The following CLIC5 variants were observed in gnomAD, a reference collection of about 807,000 sequenced individuals.
CLIC5 encodes chloride intracellular channel protein 5.
In CLIC5, 20 loss-of-function variants were observed where a neutral mutation model predicts 24.7. The ratio of observed to expected loss-of-function variants is 0.81; its 90% CI spans 0.57 to 1.18. CLIC5 has a LOEUF of 1.18. CLIC5 is among the 50% of genes most tolerant of loss of function. The pLI is 0.00. For synonymous variants in CLIC5, 159 were observed against 135.6 expected, an observed-to-expected ratio of 1.17 and a Z score of -1.20; for missense variants, 341 against 326.1, an observed-to-expected ratio of 1.05 and a Z score of -0.35.
At chr6:45,904,258 G>A (rs945951527) in intron 5 of CLIC5, among the ~76,000 whole-genome samples, 4 of 152,156 alleles carry the variant, frequency 2.6e-5, no homozygotes, top group African/African-American at 9.7e-5. Context: ...CAAATGCTTA[G>A]AGGAGTGCCT....
chr6:46,082,850 A>C (rs1762952856), upstream of CLIC5, among the ~76,000 whole-genome samples: 1 of 152,116 alleles, frequency 6.6e-6, no homozygotes, highest in African/African-American at 2.4e-5. Context: ...AGATATATAC[A>C]TAACTTATTT....
the CLIC5 span, chr6:46,129,533 T>A: frequency 6.6e-6 from 1 of 152,266 alleles, no homozygotes; most frequent in Non-Finnish European, 1.5e-5. Flanking sequence ...TGCTCGCTTA[T>A]CCAGTAAGAC....
chr6:46,061,821 T>A (rs1295699944), intron 1 of CLIC5, among the ~76,000 whole-genome samples: 3 of 152,240 alleles, frequency 2.0e-5, no homozygotes, highest in Non-Finnish European at 2.9e-5. Context: ...GTTTCTTTAT[T>A]TTGTGGACAT....
At chr6:46,052,889 A>G (rs1172282979) in intron 1 of CLIC5, among the ~76,000 whole-genome samples, 1 of 152,106 alleles carries the variant, frequency 6.6e-6, no homozygotes, top group Non-Finnish European at 1.5e-5. Flanking sequence ...TGATCACCCC[A>G]AAGGAATGAT....
At chr6:46,003,245 C>T (rs1766423552) in intron 1 of CLIC5, among the ~76,000 whole-genome samples, 2 of 152,300 alleles carry the variant, frequency 1.3e-5, no homozygotes, top group South Asian at 2.1e-4. Context: ...TGCAAAGACA[C>T]CACTCATGGG....
intron 1 of CLIC5, among the ~76,000 whole-genome samples, chr6:46,065,610 A>AT (rs1177630149): frequency 6.6e-6 from 1 of 152,210 alleles, no homozygotes; most frequent in Non-Finnish European, 1.5e-5. Context: ...CCAACTGCTG[A>AT]TTTACGTACC....
At chr6:46,085,179 AT>A (rs1481569418), upstream of CLIC5, among the ~76,000 whole-genome samples, 4 of 152,006 alleles carry the variant, frequency 2.6e-5, no homozygotes, top group Non-Finnish European at 5.9e-5. Context: ...ATTCTTCTAA[AT>A]TTTTTTCAAA....
At position 46,065,829 on chromosome 6, in the gene CLIC5, A is replaced by G. The variant is rs1357205775; in HGVS notation, c.540+13874T>C. ...GATGGGAATGTGCCACATCATGATT[A>G]TGGTGATGGTTAGATGACTGTATAC... On this transcript the variant is annotated intron_variant, in intron 1 of 5. Transcript: ENST00000185206. Among the ~76,000 whole-genome samples the G allele has an allele frequency of 2.6e-5, 4 of 152,182 alleles. No individual in the cohort carries two copies. The East Asian group carries it at 7.7e-4, about 29-fold the overall frequency.
intron 4 of CLIC5, among the ~76,000 whole-genome samples, chr6:45,935,209 G>C (rs1410152337): frequency 1.3e-5 from 2 of 152,212 alleles, no homozygotes; most frequent in Non-Finnish European, 2.9e-5. Context: ...CAGAGAGTGG[G>C]GGACATGTTA....
chr6:45,928,767 AGT>A lies in CLIC5; in HGVS notation c.406+12778_406+12779del, dbSNP rs5875948. Reference sequence around the variant, plus strand: ...CATCAGAACACACACGAAGTGCATAAGTGTGTGTGTGTGTGTGTGTGTGTGTG... The same window carrying A: ...CATCAGAACACACACGAAGTGCATAAGTGTGTGTGTGTGTGTGTGTGTGTG... On this transcript the variant is annotated intron_variant, in intron 4 of 5. Transcript: ENST00000339561. 2.9e-3 allele frequency among the ~76,000 whole-genome samples: 411 copies of A among 144,164 alleles called. 1 individual carries two copies. The highest frequency in any genetic ancestry group is 9.0e-3 in the South Asian group (41 of 4,534). 94.6% of individuals were successfully genotyped at this position (144,164 alleles called of 152,430 possible). A position where few individuals can be genotyped will look rare whatever the true frequency, so the allele number is the denominator to read the frequency against.
intron 1 of CLIC5, among the ~76,000 whole-genome samples, chr6:46,048,565 C>T (rs1349062398): frequency 6.6e-6 from 1 of 152,082 alleles, no homozygotes; most frequent in Non-Finnish European, 1.5e-5. Flanking sequence ...CAAAACTCAC[C>T]TTGGCTGCTG....
At chr6:46,121,628 C>T in the CLIC5 span, among the ~76,000 whole-genome samples, 1 of 152,184 alleles carries the variant, frequency 6.6e-6, no homozygotes, top group African/African-American at 2.4e-5. Context: ...TTAAAAGACA[C>T]AGACTGGCAA....
chr6:45,917,935 GT>G (rs1412457762), intron 4 of CLIC5, among the ~76,000 whole-genome samples: 1 of 152,212 alleles, frequency 6.6e-6, no homozygotes, highest in Non-Finnish European at 1.5e-5. Context: ...ACTCTGAGTA[GT>G]TAGATGGGGG....
rs562125957 is a variant in CLIC5 at position 46,049,109 on chromosome 6, G to A, written c.540+30594C>T. ...AAGATAGGGGACTGATTACACTAAT[G>A]CTGTTTTGCTTTGCAAATGAAGGTT... On this transcript the variant is annotated intron_variant, in intron 1 of 5. Transcript: ENST00000185206. 9.0e-4 allele frequency among the ~76,000 whole-genome samples: 137 copies of A among 152,304 alleles called. 1 individual carries two copies. The highest frequency in any genetic ancestry group is 3.2e-3 in the African/African-American group (132 of 41,562).
the CLIC5 span, among the ~76,000 whole-genome samples, chr6:46,123,397 A>C: frequency 6.6e-6 from 1 of 152,232 alleles, no homozygotes; most frequent in Non-Finnish European, 1.5e-5. Flanking sequence ...TCATGCTAAA[A>C]ATGCTCAATA....
downstream of CLIC5, among the ~76,000 whole-genome samples, chr6:45,895,176 C>T (rs1447856767): frequency 6.6e-6 from 1 of 152,026 alleles, no homozygotes; most frequent in Non-Finnish European, 1.5e-5. Flanking sequence ...CCTAATGAAC[C>T]TATATGCGGA....
At chr6:45,986,015 C>T (rs1765722987) in intron 1 of CLIC5, among the ~76,000 whole-genome samples, 2 of 152,064 alleles carry the variant, frequency 1.3e-5, no homozygotes, top group Admixed American at 1.3e-4. Context: ...AGGGGAGTTC[C>T]CCTACACAAG....
upstream of CLIC5, among the ~76,000 whole-genome samples, chr6:46,082,888 C>A (rs574239966): frequency 6.6e-6 from 1 of 152,178 alleles, no homozygotes; most frequent in African/African-American, 2.4e-5. Flanking sequence ...TATTTTCTGT[C>A]TTATCCTACT....
chr6:46,121,005 C>A, the CLIC5 span, among the ~76,000 whole-genome samples: 1 of 152,042 alleles, frequency 6.6e-6, no homozygotes. Context: ...GGAAAACACT[C>A]TGCAGGATAT....
Sources: allele counts gnomAD v4.1 joint callset (sites outside exome capture counted in the v4.1 genomes callset), GRCh38; gene constraint gnomAD v4.1.1; transcripts MANE v1.5; gene names NCBI Gene and HGNC (gene_info 2026-07-23, HGNC 2026-07-21).